Variants in TAAR5 observed in about 807,000 individuals in gnomAD.
The protein encoded by TAAR5 is trace amine-associated receptor 5.
In TAAR5, 27 loss-of-function variants were observed where a neutral mutation model predicts 21.1. That is an observed-to-expected ratio of 1.28 (90% CI 0.94 to 1.76). The LOEUF (loss-of-function observed/expected upper bound fraction) is 1.76, where lower values mean the gene tolerates loss of function less well. Among genes scored for constraint, TAAR5 ranks in the 40% most tolerant of loss-of-function variants. The pLI is 0.00. For synonymous variants in TAAR5, 203 were observed against 167.5 expected, an observed-to-expected ratio of 1.21 and a Z score of -1.64; for missense variants, 495 against 405.6, an observed-to-expected ratio of 1.22 and a Z score of -1.89.
chr6:132,591,670 T>C (rs745863589), upstream of TAAR5, among the ~76,000 whole-genome samples: 1 of 152,234 alleles, frequency 6.6e-6, no homozygotes, highest in Non-Finnish European at 1.5e-5. Flanking sequence ...TATGGCTTTA[T>C]ATTTAATTTG....
chr6:132,593,830 C>T (rs779249813), upstream of TAAR5, among the ~76,000 whole-genome samples: 2 of 152,160 alleles, frequency 1.3e-5, no homozygotes, highest in African/African-American at 2.4e-5. Context: ...GCAAATCTCA[C>T]ATCAGTTCTT....
the TAAR5 span, among the ~76,000 whole-genome samples, chr6:132,603,417 G>A: frequency 1.5e-4 from 23 of 149,282 alleles, no homozygotes; most frequent in South Asian, 3.2e-3. Context: ...TTCAAAACCA[G>A]TTTTTCCCAT....
the TAAR5 span, among the ~76,000 whole-genome samples, chr6:132,596,650 AT>A: frequency 6.6e-6 from 1 of 152,248 alleles, no homozygotes; most frequent in South Asian, 2.1e-4. Context: ...ATTTCTTAAA[AT>A]TTTTTAGGGT....
upstream of TAAR5, among the ~76,000 whole-genome samples, chr6:132,590,485 G>T (rs1422780162): frequency 2.6e-5 from 4 of 152,180 alleles, no homozygotes; most frequent in East Asian, 5.8e-4. Context: ...GAGTTTCTAA[G>T]TTACTTACAC....
chr6:132,599,549 G>A, the TAAR5 span, among the ~76,000 whole-genome samples: 5 of 151,872 alleles, frequency 3.3e-5, no homozygotes, highest in East Asian at 3.9e-4. Flanking sequence ...GGCTGGTCTC[G>A]AACTCCTAAC....
chr6:132,615,193 A>G, the TAAR5 span, among the ~76,000 whole-genome samples: 3,480 of 152,242 alleles, frequency 0.023, 142 homozygotes, highest in African/African-American at 0.079. Context: ...TCCAAATGAA[A>G]GGCAATTTTA....
At chr6:132,595,324 A>G in the TAAR5 span, 2 of 152,706 alleles carry the variant, frequency 1.3e-5, no homozygotes, top group African/African-American at 4.8e-5. Context: ...GATCATGACC[A>G]GGTACATGGC....
chr6:132,615,959 G>A, the TAAR5 span, among the ~76,000 whole-genome samples: 11 of 147,068 alleles, frequency 7.5e-5, no homozygotes, highest in African/African-American at 2.3e-4. Context: ...ACTTAGCCTC[G>A]GTGCAAGTGA....
At chr6:132,615,872 G>T in the TAAR5 span, among the ~76,000 whole-genome samples, 1 of 115,520 alleles carries the variant, frequency 8.7e-6, no homozygotes, top group Non-Finnish European at 1.7e-5. Context: ...TCACTACCAT[G>T]TATAAACACA....
chr6:132,596,219 G>T, the TAAR5 span, among the ~76,000 whole-genome samples: 1 of 152,062 alleles, frequency 6.6e-6, no homozygotes, highest in African/African-American at 2.4e-5. Flanking sequence ...TCTTATATTC[G>T]TAACAAATGT....
the TAAR5 span, among the ~76,000 whole-genome samples, chr6:132,613,731 A>G: frequency 1.3e-5 from 2 of 152,192 alleles, no homozygotes; most frequent in African/African-American, 2.4e-5. Context: ...ACTTAATAGC[A>G]ACACCAAGTT....
At chr6:132,602,291 A>C in the TAAR5 span, among the ~76,000 whole-genome samples, 2 of 152,150 alleles carry the variant, frequency 1.3e-5, no homozygotes, top group African/African-American at 4.8e-5. Context: ...TAATGAAATA[A>C]TTATACAACT....
the TAAR5 span, among the ~76,000 whole-genome samples, chr6:132,610,332 A>T: frequency 6.6e-6 from 1 of 152,158 alleles, no homozygotes; most frequent in Non-Finnish European, 1.5e-5. Context: ...CCCAATCTTG[A>T]GTGAATCAGA....
the TAAR5 span, among the ~76,000 whole-genome samples, chr6:132,604,608 G>T: frequency 6.6e-6 from 1 of 152,176 alleles, no homozygotes; most frequent in African/African-American, 2.4e-5. Context: ...TCCTTCAGAG[G>T]AGTGTGCAGC....
At chr6:132,607,074 A>G in the TAAR5 span, among the ~76,000 whole-genome samples, 1 of 152,092 alleles carries the variant, frequency 6.6e-6, no homozygotes, top group African/African-American at 2.4e-5. Flanking sequence ...ACACACTTGT[A>G]ATCTCAGCTA....
the TAAR5 span, among the ~76,000 whole-genome samples, chr6:132,607,439 G>C: frequency 6.6e-6 from 1 of 152,046 alleles, no homozygotes. Flanking sequence ...ATCTGATTTA[G>C]ATCATAGGTA....
the TAAR5 span, among the ~76,000 whole-genome samples, chr6:132,615,551 G>C: frequency 2.0e-5 from 3 of 151,840 alleles, no homozygotes; most frequent in Non-Finnish European, 2.9e-5. Context: ...CCCAGGCTCA[G>C]TTTTCACATC....
upstream of TAAR5, among the ~76,000 whole-genome samples, chr6:132,593,951 T>G (rs1776941277): frequency 1.3e-5 from 2 of 152,228 alleles, no homozygotes; most frequent in South Asian, 2.1e-4. Flanking sequence ...ACTTCCTGTA[T>G]GCCCAGGCTC....
Position 132,589,730 on chromosome 6 carries a change from T to A in TAAR5, c.-44A>T. 4.1e-6 allele frequency: 1 copy of A among 246,692 alleles called. No individual in the cohort carries two copies. The highest frequency in any genetic ancestry group is 8.1e-5 in the South Asian group (1 of 12,272). 15.3% of individuals were successfully genotyped at this position (246,692 alleles called of 1,614,324 possible). ...CTCTGTCTGAGAACTGGCCACCTTC[T>A]CCACTGGAGGGCAAAAAAAAAAAAA... On this transcript the variant is annotated 5_prime_UTR_variant, in exon 1 of 1. Transcript: ENST00000258034.
Sources: allele counts gnomAD v4.1 joint callset (sites outside exome capture counted in the v4.1 genomes callset), GRCh38; gene constraint gnomAD v4.1.1; transcripts MANE v1.5; gene names NCBI Gene and HGNC (gene_info 2026-07-23, HGNC 2026-07-21).